Variants in MRE11 observed in about 807,000 individuals in gnomAD.
The protein encoded by MRE11 is double-strand break repair protein MRE11.
A neutral mutation model predicts 91.7 loss-of-function variants in MRE11; 62 were observed. The ratio of observed to expected loss-of-function variants is 0.68; its 90% CI spans 0.55 to 0.84. The LOEUF is 0.84. Ranked by LOEUF, MRE11 falls within the 40% of genes least tolerant of loss-of-function variation. The probability of loss-of-function intolerance (pLI) is 0.00; values close to 1 mark genes in which losing one functional copy is unlikely to be tolerated. For synonymous variants in MRE11, 273 were observed against 271.4 expected, an observed-to-expected ratio of 1.01 and a Z score of -0.06; for missense variants, 796 against 852.9, an observed-to-expected ratio of 0.93 and a Z score of 0.83.
intron 3 of MRE11, 97 bp from the exon 4 acceptor site, chr11:94,486,181 A>G: frequency 8.6e-7 from 1 of 1,168,256 alleles, no homozygotes; most frequent in Non-Finnish European, 1.2e-6. Flanking sequence ...CACAAAAGAC[A>G]CTATTATATA....
At chr11:94,435,779 A>G in intron 18 of MRE11, 53 bp downstream of exon 18, 1 of 1,475,742 alleles carries the variant, frequency 6.8e-7, no homozygotes, top group Non-Finnish European at 9.5e-7. Flanking sequence ...GGAATTCTGG[A>G]TAATTTTTAA....
chr11:94,463,698 G>A (rs867033648), intron 11 of MRE11, among the ~76,000 whole-genome samples: 8 of 150,670 alleles, frequency 5.3e-5, no homozygotes, highest in East Asian at 2.0e-4. Flanking sequence ...ACCGAACCCC[G>A]CATATTCTCA....
Position 94,468,395 on chromosome 11 carries a change from G to A in MRE11, c.1018-502C>T, listed in dbSNP as rs114004626. The stretch of plus-strand genomic sequence containing the variant: ...AACATCTTAGACTTGAAAGAGTTCT[G>A]AAGACAAAAGCACTTGTTCTATATT... On this transcript the variant is annotated intron_variant, in intron 9 of 19. Coordinates refer to ENST00000323929, the MANE Select transcript of MRE11 (RefSeq NM_005591.4). Among the ~76,000 whole-genome samples, 878 of 152,242 alleles carry A rather than the reference G, an allele frequency of 5.8e-3. 5 individuals are homozygous for A. Among genetic ancestry groups the A allele is most frequent in the African/African-American group, 0.019 (796 of 41,556 alleles).
chr11:94,442,186 T>C (rs190553285), intron 16 of MRE11, among the ~76,000 whole-genome samples: 54 of 152,156 alleles, frequency 3.5e-4, no homozygotes, highest in Non-Finnish European at 6.8e-4. Flanking sequence ...TGACGGAAGA[T>C]AGCAGTTCAG....
rs753346527 is a variant in MRE11, at chr11:94,490,922, G to A, written c.64C>T (p.His22Tyr). The part of the protein sequence containing the change: ...TFKILVATDI[H>Y]LGFMEKDAVR... ...GCATCTTTCTCCATAAATCCAAGAT[G>A]AATATCTGTTGCAACTAATATTTTA... is the stretch of plus-strand genomic sequence containing the variant. Residue 22 changes from histidine to tyrosine, a missense_variant, in exon 3 of 20, where the codon CAT (histidine) becomes TAT (tyrosine). Coordinates refer to ENST00000323929, the MANE Select transcript of MRE11 (RefSeq NM_005591.4). The A allele has an allele frequency of 1.3e-6, 2 of 1,569,572 alleles. No homozygotes were observed. The highest frequency in any genetic ancestry group is 1.1e-5 in the South Asian group (1 of 90,176).
At position 94,419,721 on chromosome 11, in the gene MRE11, G is replaced by T. The variant is rs1421067425; in HGVS notation, c.*404C>A. ...TACATAGTAACAAACAGTGAATTTA[G>T]ACATAGGTTCGCATAAATTGTTTTA... On this transcript the variant is annotated 3_prime_UTR_variant, in exon 20 of 20. Transcript: ENST00000323929. 1 of 242,214 alleles carries T rather than the reference G, an allele frequency of 4.1e-6. No homozygotes were observed. Among genetic ancestry groups the T allele is most frequent in the Admixed American group, 5.3e-5 (1 of 18,762 alleles). The allele number at this position is 242,214 out of a possible 1,614,324, so 15.0% of individuals were successfully genotyped here.
intron 14 of MRE11, among the ~76,000 whole-genome samples, chr11:94,451,520 G>A (rs146858478): frequency 4.6e-4 from 70 of 152,108 alleles, no homozygotes; most frequent in African/African-American, 1.6e-3. Flanking sequence ...AAAGAACTGC[G>A]TGCACAAAAA....
chr11:94,451,085 G>T (rs779326820), intron 14 of MRE11, among the ~76,000 whole-genome samples: 2 of 151,618 alleles, frequency 1.3e-5, no homozygotes, highest in African/African-American at 4.8e-5. Flanking sequence ...TGGAGTTAGA[G>T]ACCAGCCTGG....
intron 7 of MRE11, 115 bp downstream of exon 7, chr11:94,476,174 A>G: frequency 1.4e-6 from 1 of 698,168 alleles, no homozygotes; most frequent in Admixed American, 2.3e-5. Flanking sequence ...GTTTTGTCTG[A>G]TCTTGCATTG....
rs1018874526 is a variant in MRE11 at position 94,419,174 on chromosome 11, G to A, written c.*951C>T. The A allele has an allele frequency of 4.3e-6, 1 of 232,340 alleles. No homozygotes were observed. Among genetic ancestry groups the A allele is most frequent in the African/African-American group, 2.2e-5 (1 of 45,208 alleles). The allele number at this position is 232,340 out of a possible 1,614,324, so 14.4% of individuals were successfully genotyped here. Reference sequence around the variant, plus strand: ...AAGTAAAAAATAGAAGCTTAACATGGGCTACTAAGATTTCTGGAATTGCCC... The same window carrying A: ...AAGTAAAAAATAGAAGCTTAACATGAGCTACTAAGATTTCTGGAATTGCCC... On this transcript the variant is annotated 3_prime_UTR_variant, in exon 20 of 20. Coordinates refer to ENST00000323929, the MANE Select transcript of MRE11 (RefSeq NM_005591.4).
intron 9 of MRE11, among the ~76,000 whole-genome samples, chr11:94,470,216 T>C (rs1471556845): frequency 6.6e-6 from 1 of 152,084 alleles, no homozygotes; most frequent in Non-Finnish European, 1.5e-5. Flanking sequence ...TTATGTATTA[T>C]GTTTTTGAAA....
chr11:94,422,956 G>A (rs894030322), intron 19 of MRE11, among the ~76,000 whole-genome samples: 8 of 152,026 alleles, frequency 5.3e-5, no homozygotes, highest in South Asian at 2.1e-4. Context: ...CAGGTGATCC[G>A]CCTGCCTCAG....
At chr11:94,427,020 G>A (rs1474023054) in intron 19 of MRE11, among the ~76,000 whole-genome samples, 1 of 151,890 alleles carries the variant, frequency 6.6e-6, no homozygotes, top group African/African-American at 2.4e-5. Flanking sequence ...AAAAATCAAG[G>A]GAGGCTCCTC....
chr11:94,420,823 G>C (rs1451968662), intron 19 of MRE11, among the ~76,000 whole-genome samples: 1 of 152,128 alleles, frequency 6.6e-6, no homozygotes, highest in Non-Finnish European at 1.5e-5. Flanking sequence ...ACGAGGTCAG[G>C]AGATCGAGAC....
In MRE11 at chr11:94,474,983, C is replaced by T. The variant is rs114745834; in HGVS notation, c.659+1306G>A. 5.9e-3 allele frequency among the ~76,000 whole-genome samples: 903 copies of T among 152,162 alleles called. 5 individuals carry two copies. The highest frequency in any genetic ancestry group is 0.02 in the African/African-American group (816 of 41,484). On this transcript the variant is annotated intron_variant, in intron 7 of 19. Coordinates refer to ENST00000323929, the MANE Select transcript of MRE11 (RefSeq NM_005591.4). ...CACACATATCTAAACTCTGGCCTGCCCCTCCTTTGAAACTCACAGTTTATT... is the reference window on the plus strand; with the variant it reads ...CACACATATCTAAACTCTGGCCTGCTCCTCCTTTGAAACTCACAGTTTATT...
In MRE11 at chr11:94,447,235, C is replaced by A. The variant is rs750392548; in HGVS notation, c.1767G>T (p.Gly589=). Residue 589 remains glycine (G), a synonymous_variant, in exon 15 of 20, where the codon GGG becomes GGT. Transcript: ENST00000323929. ...GRGQNSASRG[G]SQRGRADTGL... Reference sequence around the variant, plus strand: ...AGTGCTCACCTCTTCCTCTTTGAGACCCTCCTCTCGATGCTGAATTCTGCC... The same window carrying A: ...AGTGCTCACCTCTTCCTCTTTGAGAACCTCCTCTCGATGCTGAATTCTGCC... The A allele has an allele frequency of 6.2e-7, 1 of 1,613,194 alleles. No homozygotes were observed. The highest frequency in any genetic ancestry group is 1.1e-5 in the South Asian group (1 of 91,084).
chr11:94,435,980 GATTAAAT>G, intron 17 of MRE11, 81 bp from the exon 18 acceptor site: 3 of 1,254,304 alleles, frequency 2.4e-6, no homozygotes, highest in Non-Finnish European at 3.5e-6. Context: ...TGAATTACAC[GATTAAAT>G]CTTAAGTTAT....
At chr11:94,421,865 A>G (rs1945180114) in intron 19 of MRE11, among the ~76,000 whole-genome samples, 5 of 152,216 alleles carry the variant, frequency 3.3e-5, no homozygotes, top group Admixed American at 2.6e-4. Context: ...GAATTCATAG[A>G]AAGAGAAAGT....
chr11:94,467,141 A>G (rs924475285), intron 10 of MRE11, among the ~76,000 whole-genome samples: 1 of 152,192 alleles, frequency 6.6e-6, no homozygotes, highest in African/African-American at 2.4e-5. Flanking sequence ...GATATAGGTT[A>G]TATACTTTTA....
Sources: gnomAD v4.1 joint callset for allele counts (sites outside exome capture counted in the v4.1 genomes callset) on GRCh38, gnomAD v4.1.1 for gene constraint, MANE v1.5 for transcripts, NCBI Gene and HGNC (gene_info 2026-07-23, HGNC 2026-07-21) for gene names.